Variants in COL22A1 observed in about 807,000 individuals in gnomAD.
COL22A1 encodes the protein collagen type XXII alpha 1 chain, also known as collagen alpha-1(XXII) chain.
A neutral mutation model predicts 248.9 loss-of-function variants in COL22A1; 221 were observed. That is an observed-to-expected ratio of 0.89 (90% CI 0.80 to 0.99). COL22A1 has a LOEUF of 0.99. Among genes scored for constraint, COL22A1 ranks in the 50% least tolerant of loss-of-function variants. COL22A1 has a pLI of 0.00. For synonymous variants in COL22A1, 891 were observed against 793.4 expected (o/e 1.12, Z -2.07); for missense variants, 2,240 against 2,179.0 (o/e 1.03, Z -0.56).
chr8:138,740,941 G>A (rs1398461345), intron 22 of COL22A1, among the ~76,000 whole-genome samples: 2 of 152,086 alleles, frequency 1.3e-5, no homozygotes, highest in Admixed American at 6.5e-5. Flanking sequence ...CTGTTCCCAG[G>A]CCCAGTATCT....
At chr8:138,732,283 C>T (rs1017162413) in intron 23 of COL22A1, among the ~76,000 whole-genome samples, 5 of 152,184 alleles carry the variant, frequency 3.3e-5, no homozygotes, top group Admixed American at 6.5e-5. Flanking sequence ...ACGCAAGAAG[C>T]GACACTGTCA....
At chr8:138,892,005 G>A (rs985912712) in intron 1 of COL22A1, among the ~76,000 whole-genome samples, 5 of 152,140 alleles carry the variant, frequency 3.3e-5, no homozygotes, top group East Asian at 1.9e-4. Context: ...TGGCTATGAC[G>A]TATAATTATT....
intron 36 of COL22A1, 82 bp from the exon 37 acceptor site, chr8:138,689,052 C>T: frequency 1.8e-6 from 2 of 1,107,640 alleles, no homozygotes; most frequent in Non-Finnish European, 2.8e-6. Context: ...AGGGAAGAAT[C>T]ATCAGGTCCC....
intron 1 of COL22A1, among the ~76,000 whole-genome samples, chr8:138,884,011 T>A (rs1259359186): frequency 1.3e-5 from 2 of 152,164 alleles, no homozygotes; most frequent in Non-Finnish European, 2.9e-5. Context: ...ATGCTGCACT[T>A]GGTAGCCATG....
chr8:138,639,455 G>A (rs1422475030), intron 47 of COL22A1, among the ~76,000 whole-genome samples: 2 of 152,144 alleles, frequency 1.3e-5, no homozygotes, highest in South Asian at 2.1e-4. Context: ...TCTATACACT[G>A]GATATATAAC....
intron 4 of COL22A1, among the ~76,000 whole-genome samples, chr8:138,834,475 C>A (rs746506118): frequency 8.5e-5 from 13 of 152,072 alleles, no homozygotes; most frequent in African/African-American, 2.4e-5. Context: ...GCCAGGGCCA[C>A]GCCAAGCATT....
intron 4 of COL22A1, among the ~76,000 whole-genome samples, chr8:138,839,337 G>A (rs1385509229): frequency 1.3e-5 from 2 of 152,124 alleles, no homozygotes; most frequent in Admixed American, 6.5e-5. Flanking sequence ...AGGGTGGGCT[G>A]GTGCCGGTCA....
At chr8:138,779,456 T>C (rs774641776) in intron 14 of COL22A1, 53 bp downstream of exon 14, 71 of 1,339,230 alleles carry the variant, frequency 5.3e-5, no homozygotes, top group Non-Finnish European at 7.2e-5. Context: ...GGCTTTGCAC[T>C]GGGCCTTGTC....
At position 138,601,791 on chromosome 8, in the gene COL22A1, C is replaced by T. The variant is rs370762733; in HGVS notation, c.4185+324G>A. 3.3e-4 allele frequency among the ~76,000 whole-genome samples: 50 copies of T among 152,140 alleles called. 1 individual carries two copies. The South Asian group carries it at 5.2e-3, about 16-fold the overall frequency. On this transcript the variant is annotated intron_variant, in intron 60 of 64. Transcript: ENST00000303045. ...GCCCGTCTCGGCGGGCATTCGCACA[C>T]GGGGAGAAAGAAATCTGTCAATGTC...
At chr8:138,660,889 CAG>C (rs1823807148) in intron 43 of COL22A1, among the ~76,000 whole-genome samples, 2 of 132,070 alleles carry the variant, frequency 1.5e-5, no homozygotes, top group Admixed American at 7.4e-5. Flanking sequence ...CACACATACA[CAG>C]ACACACAAAC....
intron 31 of COL22A1, 101 bp from the exon 32 acceptor site, chr8:138,700,245 G>T: frequency 9.7e-7 from 1 of 1,032,124 alleles, no homozygotes; most frequent in Non-Finnish European, 1.5e-6. Context: ...AAAGAATACA[G>T]CCCCAAAGCT....
At chr8:138,888,145 C>A (rs1824803271) in intron 1 of COL22A1, among the ~76,000 whole-genome samples, 1 of 152,198 alleles carries the variant, frequency 6.6e-6, no homozygotes, top group African/African-American at 2.4e-5. Context: ...GAGTTGCCCT[C>A]CTGTGCCAGG....
intron 32 of COL22A1, among the ~76,000 whole-genome samples, chr8:138,697,859 CG>C (rs1255174038): frequency 1.3e-5 from 2 of 152,236 alleles, no homozygotes; most frequent in Non-Finnish European, 2.9e-5. Flanking sequence ...AAGCCAGTCC[CG>C]GGGAGACTCA....
intron 4 of COL22A1, 146 bp downstream of exon 4, chr8:138,843,938 G>A (rs946548726): frequency 2.4e-5 from 18 of 755,606 alleles, no homozygotes; most frequent in African/African-American, 1.7e-4. Flanking sequence ...CCACCTGCAC[G>A]ATTCAAACCA....
chr8:138,814,355 G>A (rs1818499647), intron 7 of COL22A1, among the ~76,000 whole-genome samples: 1 of 152,192 alleles, frequency 6.6e-6, no homozygotes, highest in Non-Finnish European at 1.5e-5. Flanking sequence ...CCCTCCCCTG[G>A]TGTGAAGTGA....
chr8:138,740,639 G>C (rs1365041916), intron 22 of COL22A1, among the ~76,000 whole-genome samples: 1 of 152,160 alleles, frequency 6.6e-6, no homozygotes, highest in African/African-American at 2.4e-5. Context: ...GCAAGTAGGA[G>C]GCGCGTGGTA....
chr8:138,719,678 A>C (rs1829720018), intron 27 of COL22A1, among the ~76,000 whole-genome samples: 1 of 152,218 alleles, frequency 6.6e-6, no homozygotes, highest in Non-Finnish European at 1.5e-5. Context: ...GGATGCCCTG[A>C]GGTATGCCCT....
intron 6 of COL22A1, chr8:138,825,593 G>A (rs146545769): frequency 2.6e-5 from 4 of 152,326 alleles, no homozygotes; most frequent in East Asian, 1.9e-4. Context: ...CTAAGAGTAT[G>A]TACATGTTGA....
chr8:138,673,379 T>A (rs1273522003), intron 41 of COL22A1, among the ~76,000 whole-genome samples: 2 of 151,742 alleles, frequency 1.3e-5, no homozygotes, highest in East Asian at 3.9e-4. Context: ...CTGGCTAACT[T>A]TGGTATTTTT....
Sources: gnomAD v4.1 joint callset for allele counts (sites outside exome capture counted in the v4.1 genomes callset) on GRCh38, gnomAD v4.1.1 for gene constraint, MANE v1.5 for transcripts, NCBI Gene and HGNC (gene_info 2026-07-23, HGNC 2026-07-21) for gene names.